Variants in SVIL observed in about 807,000 individuals in gnomAD.
SVIL encodes archvillin.
A neutral mutation model predicts 240.4 loss-of-function variants in SVIL; 101 were observed. The ratio of observed to expected loss-of-function variants is 0.42; its 90% confidence interval spans 0.36 to 0.50. The LOEUF (loss-of-function observed/expected upper bound fraction) is 0.50. SVIL is among the 20% of genes least tolerant of loss of function. The probability of loss-of-function intolerance (pLI) is 0.01; values close to 1 mark genes in which losing one functional copy is unlikely to be tolerated. For missense variants in SVIL, 2,512 were observed against 2,818.7 expected (o/e 0.89, Z 2.46); for synonymous variants, 999 against 1,100.0 (o/e 0.91, Z 1.82).
chr10:29,736,505 G>T (rs1269182600), upstream of SVIL, among the ~76,000 whole-genome samples: 3 of 152,102 alleles, frequency 2.0e-5, no homozygotes, highest in Non-Finnish European at 4.4e-5. Context: ...TGTCCAACTC[G>T]CTCTGTCGCC....
chr10:29,705,181 CTTTCCCAAAGAGATTTTGGGTATGG>C (rs1962800546), intron 1 of SVIL, among the ~76,000 whole-genome samples: 1 of 152,132 alleles, frequency 6.6e-6, no homozygotes, highest in Non-Finnish European at 1.5e-5. Context: ...CAATTTGCAA[CTTTCCCAAAGAGATTTTGGGTATGG>C]CCAAAGTTAA....
chr10:29,720,769 G>A (rs1405461576), intron 1 of SVIL, among the ~76,000 whole-genome samples: 1 of 152,208 alleles, frequency 6.6e-6, no homozygotes, highest in Non-Finnish European at 1.5e-5. Context: ...CTATTGTAAT[G>A]TTCTTATATG....
At chr10:29,721,320 A>AAGATACATAGAACACATACAGTAAG (rs1564361100) in intron 1 of SVIL, among the ~76,000 whole-genome samples, 1 of 152,198 alleles carries the variant, frequency 6.6e-6, no homozygotes. Context: ...AAGAATAGAC[A>AAGATACATAGAACACATACAGTAAG]AGATACATAG....
intron 28 of SVIL, among the ~76,000 whole-genome samples, chr10:29,481,167 T>TG (rs1554815333): frequency 0.034 from 4,952 of 146,456 alleles, 122 homozygotes; most frequent in Admixed American, 0.066. Flanking sequence ...TGTGTGTGTG[T>TG]TTGTTTGTGT....
intron 16 of SVIL, among the ~76,000 whole-genome samples, chr10:29,513,137 T>C (rs1589059768): frequency 6.6e-6 from 1 of 152,240 alleles, no homozygotes; most frequent in Non-Finnish European, 1.5e-5. Flanking sequence ...GCCAAGGATG[T>C]CTGTTCCTTG....
intron 1 of SVIL, among the ~76,000 whole-genome samples, chr10:29,579,866 C>A (rs1955862474): frequency 6.6e-6 from 1 of 151,996 alleles, no homozygotes. Flanking sequence ...GTGCCTGTGA[C>A]CTCCCCTGGC....
chr10:29,535,065 A>G (rs938724411), intron 7 of SVIL, among the ~76,000 whole-genome samples: 6 of 152,192 alleles, frequency 3.9e-5, no homozygotes, highest in African/African-American at 1.4e-4. Context: ...TATGGAAAAG[A>G]ATAGTTTATT....
intron 25 of SVIL, 27 bp downstream of exon 25, chr10:29,486,383 A>G: frequency 1.9e-6 from 3 of 1,610,708 alleles, no homozygotes; most frequent in Non-Finnish European, 2.5e-6. Flanking sequence ...AAGTCTCGTC[A>G]ATCTCTGAAG....
At chr10:29,681,747 C>T (rs1028241358) in intron 2 of SVIL, among the ~76,000 whole-genome samples, 4 of 152,166 alleles carry the variant, frequency 2.6e-5, no homozygotes, top group Non-Finnish European at 4.4e-5. Flanking sequence ...GGGCTGGATG[C>T]TCCCACCAGC....
At chr10:29,477,675 C>A (rs911362857) in intron 29 of SVIL, among the ~76,000 whole-genome samples, 1 of 152,206 alleles carries the variant, frequency 6.6e-6, no homozygotes, top group South Asian at 2.1e-4. Flanking sequence ...CAAGTGCCAT[C>A]GGGCTGTGCT....
chr10:29,474,521 G>A (rs1181059538), intron 29 of SVIL, among the ~76,000 whole-genome samples: 1 of 151,990 alleles, frequency 6.6e-6, no homozygotes, highest in African/African-American at 2.4e-5. Flanking sequence ...CTTGAGCCCA[G>A]GAGTTTGAGA....
intron 17 of SVIL, chr10:29,507,643 C>T (rs1337141943): frequency 3.9e-6 from 2 of 513,954 alleles, no homozygotes; most frequent in Admixed American, 6.4e-5. Flanking sequence ...AAGTGAAATG[C>T]ACCAAATAAG....
chr10:29,507,108 C>T (rs554758249), intron 17 of SVIL, among the ~76,000 whole-genome samples: 10 of 152,150 alleles, frequency 6.6e-5, no homozygotes, highest in South Asian at 4.1e-4. Context: ...GGCAGGGGGC[C>T]CATGGTCTCT....
chr10:29,554,317 A>C (rs1953697060), intron 5 of SVIL, among the ~76,000 whole-genome samples: 2 of 152,028 alleles, frequency 1.3e-5, no homozygotes, highest in South Asian at 4.2e-4. Flanking sequence ...TCTAAAAAAA[A>C]TAAAAATAAA....
At chr10:29,557,689 G>A (rs1954063695) in intron 3 of SVIL, among the ~76,000 whole-genome samples, 1 of 152,184 alleles carries the variant, frequency 6.6e-6, no homozygotes, top group Non-Finnish European at 1.5e-5. Flanking sequence ...CAGAAAGAAA[G>A]ATCTAGTTGG....
intron 1 of SVIL, among the ~76,000 whole-genome samples, chr10:29,618,781 G>A (rs115230877): frequency 0.011 from 1,648 of 151,556 alleles, 38 homozygotes; most frequent in African/African-American, 0.038. Flanking sequence ...GTGCGGTGGC[G>A]CAATCAGAGC....
At chr10:29,486,386 C>A in intron 25 of SVIL, 24 bp downstream of exon 25, 1 of 1,611,846 alleles carries the variant, frequency 6.2e-7, no homozygotes, top group East Asian at 2.2e-5. Context: ...TCTCGTCAAT[C>A]TCTGAAGTAC....
At chr10:29,648,038 G>A (rs1215597163) in intron 3 of SVIL, among the ~76,000 whole-genome samples, 3 of 145,948 alleles carry the variant, frequency 2.1e-5, no homozygotes, top group Non-Finnish European at 4.5e-5. Context: ...ATAAGATGAC[G>A]CTCCCACCAG....
chr10:29,729,833 CAAAAAAAAAAAAAAAA>C (rs71023507), intron 1 of SVIL, among the ~76,000 whole-genome samples: 10 of 32,516 alleles, frequency 3.1e-4, no homozygotes, highest in African/African-American at 1.2e-3. Flanking sequence ...GACTCCATCT[CAAAAAAAAAAAAAAAA>C]AAAAAAAAAA....
Sources: gnomAD v4.1 joint callset for allele counts (sites outside exome capture counted in the v4.1 genomes callset) on GRCh38, gnomAD v4.1.1 for gene constraint, MANE v1.5 for transcripts, NCBI Gene and HGNC (gene_info 2026-07-23, HGNC 2026-07-21) for gene names.